Variants in PNISR observed in about 807,000 individuals in gnomAD.
PNISR encodes the protein PNN interacting serine and arginine rich protein.
PNISR carries 20 observed loss-of-function variants against 93.4 expected under a neutral mutation model. The ratio of observed to expected loss-of-function variants is 0.21; its 90% confidence interval spans 0.15 to 0.31. The LOEUF is 0.31. Ranked by LOEUF, PNISR falls within the 10% of genes least tolerant of loss-of-function variation. The pLI, the probability that PNISR is intolerant of heterozygous loss-of-function variation, is 1.00. For missense variants in PNISR, 893 were observed against 985.4 expected (o/e 0.91, Z 1.25); for synonymous variants, 305 against 306.5 (o/e 0.99, Z 0.05).
Position 99,399,298 on chromosome 6 carries a change from T to C in PNISR, c.*1242A>G, listed in dbSNP as rs1775188239. ...AAATGCTTTGAGAGCCCCATTCTACTTGTAAGTTATCAATGCCTTAAACTG... is the reference window on the plus strand; with the variant it reads ...AAATGCTTTGAGAGCCCCATTCTACCTGTAAGTTATCAATGCCTTAAACTG... On this transcript the variant is annotated 3_prime_UTR_variant, in exon 12 of 12. Transcript: ENST00000369239. 6.6e-6 allele frequency: 1 copy of C among 152,152 alleles called. No individual in the cohort carries two copies. Among genetic ancestry groups the C allele is most frequent in the African/African-American group, 2.4e-5 (1 of 41,446 alleles). 9.4% of individuals were successfully genotyped at this position (152,152 alleles called of 1,614,324 possible).
At chr6:99,404,387 A>G in intron 9 of PNISR, 2 of 545,434 alleles carry the variant, frequency 3.7e-6, no homozygotes, top group East Asian at 6.9e-5. Context: ...GGAAAACAGC[A>G]TGATTGCTAA....
chr6:99,413,796 T>C (rs1250260819), intron 3 of PNISR, among the ~76,000 whole-genome samples: 1 of 125,168 alleles, frequency 8.0e-6, no homozygotes, highest in Non-Finnish European at 1.8e-5. Context: ...ATTCTCAGTT[T>C]GAAACACTGG....
Position 99,399,280 on chromosome 6 carries a change from T to C in PNISR, c.*1260A>G, listed in dbSNP as rs1775186428. On this transcript the variant is annotated 3_prime_UTR_variant, in exon 12 of 12. Transcript: ENST00000369239. Reference sequence around the variant, plus strand: ...CCTAAAGCAACTGAGTTAAAATGCTTTGAGAGCCCCATTCTACTTGTAAGT... The same window carrying C: ...CCTAAAGCAACTGAGTTAAAATGCTCTGAGAGCCCCATTCTACTTGTAAGT... The C allele has an allele frequency of 6.6e-6, 1 of 152,094 alleles. No individual in the cohort carries two copies. Among genetic ancestry groups the C allele is most frequent in the African/African-American group, 2.4e-5 (1 of 41,452 alleles). The allele number at this position is 152,094 out of a possible 1,614,324, so 9.4% of individuals were successfully genotyped here. A position where few individuals can be genotyped will look rare whatever the true frequency, so the allele number is the denominator to read the frequency against.
At chr6:99,410,665 G>T in intron 5 of PNISR, 76 bp downstream of exon 5, 1 of 980,944 alleles carries the variant, frequency 1.0e-6, no homozygotes, top group Non-Finnish European at 1.6e-6. Context: ...CGTATCTTAG[G>T]TATTCTTGAT....
chr6:99,423,699 T>C (rs976314010), intron 1 of PNISR, among the ~76,000 whole-genome samples: 3 of 152,170 alleles, frequency 2.0e-5, no homozygotes, highest in Non-Finnish European at 4.4e-5. Flanking sequence ...CCCTACAATA[T>C]ACCTGACCAT....
At chr6:99,422,543 T>C (rs1168477215) in intron 1 of PNISR, among the ~76,000 whole-genome samples, 1 of 152,208 alleles carries the variant, frequency 6.6e-6, no homozygotes, top group Non-Finnish European at 1.5e-5. Context: ...TTTTAGTATA[T>C]ACTGAAATAC....
rs148221214 is a variant in PNISR, at chr6:99,400,615, C to T, written c.2343G>A (p.Ser781=). 46 of 1,613,924 alleles carry T rather than the reference C, an allele frequency of 2.9e-5. No individual in the cohort carries two copies. Among genetic ancestry groups the T allele is most frequent in the Non-Finnish European group, 3.5e-5 (41 of 1,180,002 alleles). The change falls in exon 12 of 12, where the codon TCG becomes TCA. Residue 781 remains serine, a synonymous_variant. Coordinates refer to ENST00000369239, the MANE Select transcript of PNISR (RefSeq NM_032870.4). ...KKAKKPKHSR[S]RSVEKSQRSG... Reference sequence around the variant, plus strand: ...ACCTTTGAGATTTCTCCACGGATCGCGATCGACTATGTTTAGGCTTCTTAG... The same window carrying T: ...ACCTTTGAGATTTCTCCACGGATCGTGATCGACTATGTTTAGGCTTCTTAG...
At chr6:99,404,424 C>CA in intron 9 of PNISR, 179 bp downstream of exon 9, 1 of 629,144 alleles carries the variant, frequency 1.6e-6, no homozygotes, top group South Asian at 1.7e-5. Context: ...TCAGATAAAA[C>CA]AAAAATATTT....
intron 2 of PNISR, chr6:99,415,570 A>T (rs1285459635): frequency 6.6e-6 from 1 of 152,212 alleles, no homozygotes; most frequent in Non-Finnish European, 1.5e-5. Flanking sequence ...AAGTCTTACA[A>T]GTCTAATATC....
intron 2 of PNISR, chr6:99,416,131 G>C: frequency 3.0e-6 from 1 of 337,154 alleles, no homozygotes. Flanking sequence ...TTGGGTATCA[G>C]TTCCAAGTTA....
chr6:99,424,214 A>G (rs1779092611), intron 1 of PNISR, among the ~76,000 whole-genome samples: 3 of 152,202 alleles, frequency 2.0e-5, no homozygotes, highest in Admixed American at 2.0e-4. Context: ...CAGAAAAAGG[A>G]CTTTAGGTAA....
At chr6:99,415,073 A>G (rs1454658321) in intron 2 of PNISR, 1 of 152,408 alleles carries the variant, frequency 6.6e-6, no homozygotes, top group Non-Finnish European at 1.5e-5. Flanking sequence ...ATGAAGAAAA[A>G]TTTTTCCTTA....
chr6:99,414,611 G>A lies in PNISR; in HGVS notation c.49C>T (p.Gln17Ter). The change falls in exon 3 of 12, where the codon CAA becomes TAA. Residue 17 changes from glutamine to a stop codon, truncating the protein, a stop_gained. Coordinates refer to ENST00000369239, the MANE Select transcript of PNISR (RefSeq NM_032870.4). LOFTEE classifies it high-confidence loss of function. ...QPWQQWPLNQ[Q>*]QWMQSFQHQQ... ...TGCTGGAATGACTGCATCCATTGTT[G>A]CTGGTTCAAGGGCCACTGCTGCCAA... 1 of 1,606,124 alleles carries A rather than the reference G, an allele frequency of 6.2e-7. No homozygotes were observed.
At position 99,408,122 on chromosome 6, in the gene PNISR, C is replaced by T; in HGVS notation, c.823G>A (p.Glu275Lys). 1.2e-6 allele frequency: 2 copies of T among 1,610,380 alleles called. No individual in the cohort carries two copies. Among genetic ancestry groups the T allele is most frequent in the African/African-American group, 2.7e-5 (2 of 74,574 alleles). Residue 275 changes from glutamate (E) to lysine (K), a missense_variant, in exon 7 of 12, where the codon GAA (glutamate) becomes AAA (lysine). By Grantham distance (56) the Glu-to-Lys change is moderately conservative. Coordinates refer to ENST00000369239, the MANE Select transcript of PNISR (RefSeq NM_032870.4). ...GGTAAACGAGGGCCATCCCCTCCTT[C>T]AGCATCTTCTGTGGCCTTTTTTTCT... Reference protein sequence around the residue: ...KKEKKATEDAEGGDGPRLPQR... With the variant: ...KKEKKATEDAKGGDGPRLPQR...
At chr6:99,416,767 G>GA in intron 1 of PNISR, among the ~76,000 whole-genome samples, 1 of 152,264 alleles carries the variant, frequency 6.6e-6, no homozygotes, top group East Asian at 1.9e-4. Flanking sequence ...TATTAACTTA[G>GA]ATGATACAAG....
intron 10 of PNISR, 25 bp from the exon 11 acceptor site, chr6:99,402,735 CATATGAAA>C: frequency 6.7e-7 from 1 of 1,499,414 alleles, no homozygotes; most frequent in Non-Finnish European, 9.0e-7. Flanking sequence ...CTCAGTCTAT[CATATGAAA>C]AAAATTATAC....
In PNISR at chr6:99,413,923, A is replaced by G. The variant is rs1285083574; in HGVS notation, c.88+649T>C. 2.6e-5 allele frequency among the ~76,000 whole-genome samples: 4 copies of G among 152,362 alleles called. No homozygotes were observed. The East Asian group carries it at 7.7e-4, about 29-fold the overall frequency. ...AAGTGAATAACAATATGTACACAAG[A>G]TTATGCTAATTGTTTCAAAAAGTGA... is the stretch of plus-strand genomic sequence containing the variant. On this transcript the variant is annotated intron_variant, in intron 3 of 11. Coordinates refer to ENST00000369239, the MANE Select transcript of PNISR (RefSeq NM_032870.4).
intron 1 of PNISR, among the ~76,000 whole-genome samples, chr6:99,424,720 C>T (rs901126364): frequency 6.6e-6 from 1 of 152,262 alleles, no homozygotes; most frequent in Non-Finnish European, 1.5e-5. Flanking sequence ...GGGTAAAAAA[C>T]TGAAATATTG....
chr6:99,412,697 T>C lies in PNISR; in HGVS notation c.131A>G (p.Gln44Arg). ...WAALAQAWIAQREASGQQSMV... is the reference protein window; with the variant it reads ...WAALAQAWIARREASGQQSMV... ...GCTTTGCTGTCCTGAAGCTTCTCTT[T>C]GGGCAATCCAAGCTTGGGCCAATGC... Residue 44 changes from glutamine to arginine, a missense_variant, in exon 4 of 12, where the codon CAA (glutamine) becomes CGA (arginine). Coordinates refer to ENST00000369239, the MANE Select transcript of PNISR (RefSeq NM_032870.4). 1.9e-6 allele frequency: 3 copies of C among 1,603,458 alleles called. No individual in the cohort carries two copies. The highest frequency in any genetic ancestry group is 2.5e-6 in the Non-Finnish European group (3 of 1,177,042).
Sources: allele counts gnomAD v4.1 joint callset (sites outside exome capture counted in the v4.1 genomes callset), GRCh38; gene constraint gnomAD v4.1.1; transcripts MANE v1.5; gene names NCBI Gene and HGNC (gene_info 2026-07-23, HGNC 2026-07-21).